The following LRBA variants were observed in gnomAD, a reference collection of about 807,000 sequenced individuals.
LRBA encodes lipopolysaccharide-responsive and beige-like anchor protein.
In LRBA, 176 loss-of-function variants were observed where a neutral mutation model predicts 330.0. That is an observed-to-expected ratio of 0.53 (90% confidence interval 0.47 to 0.60). LRBA has a LOEUF of 0.60. Ranked by LOEUF, LRBA falls within the 20% of genes least tolerant of loss-of-function variation. The pLI is 0.00. For missense variants in LRBA, 3,259 were observed against 3,444.8 expected (o/e 0.95, Z 1.35); for synonymous variants, 1,230 against 1,193.0 (o/e 1.03, Z -0.64).
intron 47 of LRBA, among the ~76,000 whole-genome samples, chr4:150,402,412 GAAGAA>G (rs1745614461): frequency 6.6e-6 from 1 of 151,924 alleles, no homozygotes. Context: ...AAGAAGCGGG[GAAGAA>G]AAGAAACAAA....
At chr4:150,622,223 A>T (rs1037557607) in intron 37 of LRBA, among the ~76,000 whole-genome samples, 1 of 152,236 alleles carries the variant, frequency 6.6e-6, no homozygotes, top group African/African-American at 2.4e-5. Context: ...GCACATGAAA[A>T]TAAGTAGACC....
At chr4:150,691,755 C>T (rs1052833090) in intron 36 of LRBA, among the ~76,000 whole-genome samples, 16 of 152,028 alleles carry the variant, frequency 1.1e-4, no homozygotes, top group Non-Finnish European at 4.4e-5. Context: ...TATGAAAATG[C>T]CCATGGTGCA....
intron 37 of LRBA, among the ~76,000 whole-genome samples, chr4:150,680,596 A>C (rs1274530533): frequency 6.6e-6 from 1 of 152,214 alleles, no homozygotes; most frequent in African/African-American, 2.4e-5. Flanking sequence ...CATGTTCAAA[A>C]TGGCTATAAT....
At chr4:150,464,297 T>C (rs1361547362) in intron 44 of LRBA, among the ~76,000 whole-genome samples, 2 of 152,092 alleles carry the variant, frequency 1.3e-5, no homozygotes, top group African/African-American at 4.8e-5. Flanking sequence ...AAATTTTATA[T>C]TCTAACAAAA....
At chr4:150,339,319 C>T (rs1735173733) in intron 48 of LRBA, among the ~76,000 whole-genome samples, 1 of 152,058 alleles carries the variant, frequency 6.6e-6, no homozygotes, top group Admixed American at 6.6e-5. Context: ...ACACGAAGAT[C>T]ATTATAGACG....
chr4:150,406,807 A>G (rs1021266995), intron 47 of LRBA, among the ~76,000 whole-genome samples: 4 of 151,998 alleles, frequency 2.6e-5, no homozygotes. Flanking sequence ...TGGAGACGGA[A>G]TCTCACTCTG....
chr4:150,849,032 A>G (rs1750252375), intron 25 of LRBA, 34 bp from the exon 26 acceptor site: 1 of 1,438,160 alleles, frequency 7.0e-7, no homozygotes, highest in Non-Finnish European at 9.4e-7. Context: ...TTATATATAT[A>G]TATTCTGAAA....
At chr4:150,286,119 A>C in intron 53 of LRBA, 85 bp from the exon 54 acceptor site, 1 of 916,274 alleles carries the variant, frequency 1.1e-6, no homozygotes. Flanking sequence ...AATTTCCATC[A>C]TGCCTATTTA....
At chr4:150,599,224 C>T in intron 37 of LRBA, 93 bp from the exon 38 acceptor site, 1 of 1,349,504 alleles carries the variant, frequency 7.4e-7, no homozygotes, top group Non-Finnish European at 1.0e-6. Context: ...GTTTGCTCTG[C>T]CTTTTTTTCC....
chr4:150,613,935 T>C lies in LRBA; in HGVS notation c.5922-14804A>G, dbSNP rs1344318792. Among the ~76,000 whole-genome samples the C allele has an allele frequency of 2.6e-5, 4 of 152,342 alleles. No individual in the cohort carries two copies. In the East Asian group the frequency reaches 7.7e-4, roughly 29 times the overall value. Reference sequence around the variant, plus strand: ...CAGTATTCCCTACTCTGATTCAGCCTGTTCCAAGACCACCCCGCTAGCCCT... The same window carrying C: ...CAGTATTCCCTACTCTGATTCAGCCCGTTCCAAGACCACCCCGCTAGCCCT... On this transcript the variant is annotated intron_variant, in intron 37 of 56. Coordinates refer to ENST00000651943, the MANE Select transcript of LRBA (RefSeq NM_001364905.1).
At chr4:150,897,324 T>A (rs1730199312) in intron 15 of LRBA, among the ~76,000 whole-genome samples, 1 of 152,022 alleles carries the variant, frequency 6.6e-6, no homozygotes, top group African/African-American at 2.4e-5. Flanking sequence ...AGGGACAAAA[T>A]GTGACCACTT....
chr4:150,414,887 A>T (rs192222615), intron 47 of LRBA, among the ~76,000 whole-genome samples: 119 of 152,350 alleles, frequency 7.8e-4, no homozygotes, highest in African/African-American at 2.5e-3. Flanking sequence ...AGTGTCTCGA[A>T]AATAATACTG....
chr4:150,905,782 C>A (rs1731261707), intron 13 of LRBA, 56 bp downstream of exon 13: 1 of 1,437,286 alleles, frequency 7.0e-7, no homozygotes, highest in African/African-American at 1.4e-5. Flanking sequence ...TCACTCTCCT[C>A]ACGCACAAAA....
At chr4:150,758,354 T>C (rs1399937187) in intron 35 of LRBA, among the ~76,000 whole-genome samples, 2 of 152,180 alleles carry the variant, frequency 1.3e-5, no homozygotes, top group African/African-American at 2.4e-5. Flanking sequence ...ACAAAGGCAT[T>C]TGGTATCTCT....
At chr4:150,491,875 C>T (rs1758994181) in intron 40 of LRBA, among the ~76,000 whole-genome samples, 1 of 152,200 alleles carries the variant, frequency 6.6e-6, no homozygotes, top group South Asian at 2.1e-4. Context: ...TACACCAGTA[C>T]TATACATAAT....
At chr4:150,279,979 C>T (rs1376208267) in intron 55 of LRBA, among the ~76,000 whole-genome samples, 1 of 152,168 alleles carries the variant, frequency 6.6e-6, no homozygotes, top group African/African-American at 2.4e-5. Flanking sequence ...AAAACAAAAC[C>T]ACTGATCTTT....
At chr4:150,705,580 C>T (rs113401802) in intron 36 of LRBA, among the ~76,000 whole-genome samples, 5,037 of 152,004 alleles carry the variant, frequency 0.033, 231 homozygotes, top group African/African-American at 0.11. Flanking sequence ...AAGAATAGAA[C>T]ATGACAATTA....
chr4:150,814,137 C>T (rs1744201335), intron 31 of LRBA, among the ~76,000 whole-genome samples: 1 of 152,010 alleles, frequency 6.6e-6, no homozygotes, highest in South Asian at 2.1e-4. Flanking sequence ...ATTGCTTTCA[C>T]ACCATTATAA....
chr4:150,983,747 G>A (rs1478882271), intron 2 of LRBA, among the ~76,000 whole-genome samples: 2 of 151,054 alleles, frequency 1.3e-5, no homozygotes, highest in Non-Finnish European at 2.9e-5. Context: ...GAGCCACCAC[G>A]CCAGGCTGGC....
Sources: allele counts gnomAD v4.1 joint callset (sites outside exome capture counted in the v4.1 genomes callset), GRCh38; gene constraint gnomAD v4.1.1; transcripts MANE v1.5; gene names NCBI Gene and HGNC (gene_info 2026-07-23, HGNC 2026-07-21).